Variants in PKIB observed in about 807,000 individuals in gnomAD.
PKIB encodes the protein cAMP-dependent protein kinase inhibitor beta.
Under a neutral mutation model 4.5 loss-of-function variants are expected in PKIB, and 2 were observed. The ratio of observed to expected loss-of-function variants is 0.44; its 90% CI spans 0.18 to 1.39. PKIB has a LOEUF of 1.39. PKIB is among the 40% of genes most tolerant of loss of function. The probability of loss-of-function intolerance (pLI) is 0.27; values close to 1 mark genes in which losing one functional copy is unlikely to be tolerated. For synonymous variants in PKIB, 38 were observed against 36.0 expected (o/e 1.06, Z -0.20); for missense variants, 94 against 92.6 (o/e 1.02, Z -0.06).
intron 1 of PKIB, among the ~76,000 whole-genome samples, chr6:122,477,249 C>T (rs1160318156): frequency 1.3e-5 from 2 of 152,150 alleles, no homozygotes; most frequent in African/African-American, 4.8e-5. Context: ...CAATGCAGGT[C>T]TGTAAGCTGA....
chr6:122,558,955 G>C lies in PKIB; in HGVS notation c.-247-26966G>C, dbSNP rs1772932504. 1.3e-5 allele frequency among the ~76,000 whole-genome samples: 2 copies of C among 152,080 alleles called. 1 individual carries two copies. Among genetic ancestry groups the C allele is most frequent in the Admixed American group, 1.3e-4 (2 of 15,240 alleles). ...TCCATTGTATCATTCTTACGCCTTT[G>C]CGCCCTCACAGCTTAGCTCCCACAT... is the stretch of plus-strand genomic sequence containing the variant. On this transcript the variant is annotated intron_variant, in intron 2 of 6. Coordinates refer to the PKIB transcript ENST00000392491.
chr6:122,552,300 G>A (rs1272382911), intron 2 of PKIB, among the ~76,000 whole-genome samples: 1 of 152,056 alleles, frequency 6.6e-6, no homozygotes. Context: ...TACAGTTCAC[G>A]CCAGGTAGCA....
At chr6:122,481,759 T>C (rs1043747149) in intron 2 of PKIB, 1 of 152,046 alleles carries the variant, frequency 6.6e-6, no homozygotes, top group Non-Finnish European at 1.5e-5. Flanking sequence ...GTGAAAGATA[T>C]ATAGTAAATT....
intron 2 of PKIB, among the ~76,000 whole-genome samples, chr6:122,546,938 C>T (rs1168753385): frequency 6.6e-6 from 1 of 151,990 alleles, no homozygotes; most frequent in Non-Finnish European, 1.5e-5. Context: ...GTAGCAAATG[C>T]TATAGCACAG....
intron 2 of PKIB, among the ~76,000 whole-genome samples, chr6:122,570,796 C>G (rs540915598): frequency 2.1e-4 from 32 of 152,106 alleles, no homozygotes; most frequent in South Asian, 6.2e-4. Flanking sequence ...AAAAGTCTAT[C>G]CAAATGAAAA....
At chr6:122,483,690 G>C (rs1218768703) in intron 2 of PKIB, 1 of 152,168 alleles carries the variant, frequency 6.6e-6, no homozygotes, top group Admixed American at 6.5e-5. Context: ...ATTGTGCGAA[G>C]GCAAATATAT....
chr6:122,717,649 G>T, intron 3 of PKIB, 138 bp from the exon 4 acceptor site: 8 of 815,000 alleles, frequency 9.8e-6, no homozygotes. Flanking sequence ...CGTAACAGTA[G>T]ACATTGATGA....
At chr6:122,605,449 C>T (rs551766705), upstream of PKIB, among the ~76,000 whole-genome samples, 27 of 152,276 alleles carry the variant, frequency 1.8e-4, no homozygotes, top group African/African-American at 4.8e-4. Context: ...GCACTGATTT[C>T]GACATTTCCT....
chr6:122,598,982 T>A (rs1449163821), intron 3 of PKIB, among the ~76,000 whole-genome samples: 1 of 152,138 alleles, frequency 6.6e-6, no homozygotes, highest in Non-Finnish European at 1.5e-5. Flanking sequence ...ATTAAAGAAC[T>A]CAAACAGTTC....
intron 2 of PKIB, among the ~76,000 whole-genome samples, chr6:122,498,559 G>A (rs770322615): frequency 1.1e-4 from 16 of 152,200 alleles, no homozygotes; most frequent in Non-Finnish European, 1.9e-4. Flanking sequence ...TCTCTGGGAT[G>A]CAGCAAAAGC....
chr6:122,640,717 C>T (rs1776089212), intron 2 of PKIB, among the ~76,000 whole-genome samples: 1 of 152,180 alleles, frequency 6.6e-6, no homozygotes, highest in African/African-American at 2.4e-5. Context: ...CAACATGAGA[C>T]ACATAAAGCA....
At chr6:122,576,618 C>T (rs994256308) in intron 2 of PKIB, among the ~76,000 whole-genome samples, 1 of 128,602 alleles carries the variant, frequency 7.8e-6, no homozygotes, top group African/African-American at 3.0e-5. Flanking sequence ...CAGTGAAGCC[C>T]AGATGGCGCC....
intron 4 of PKIB, among the ~76,000 whole-genome samples, chr6:122,719,022 TA>T (rs1003051225): frequency 6.6e-6 from 1 of 152,118 alleles, no homozygotes; most frequent in African/African-American, 2.4e-5. Flanking sequence ...AAGAAAGAAA[TA>T]AACATATATG....
chr6:122,553,348 C>T (rs971457842), intron 2 of PKIB, among the ~76,000 whole-genome samples: 3 of 151,982 alleles, frequency 2.0e-5, no homozygotes, highest in South Asian at 2.1e-4. Context: ...TTGCACCAAC[C>T]GAATACTCAG....
chr6:122,614,798 A>G (rs1774917095), intron 1 of PKIB, among the ~76,000 whole-genome samples: 1 of 152,144 alleles, frequency 6.6e-6, no homozygotes, highest in Non-Finnish European at 1.5e-5. Context: ...GTGTGTGTGT[A>G]TGTGTATGTG....
At chr6:122,472,856 T>A (rs571863753) in intron 1 of PKIB, among the ~76,000 whole-genome samples, 35 of 152,314 alleles carry the variant, frequency 2.3e-4, no homozygotes, top group Admixed American at 2.0e-4. Flanking sequence ...GAAATGCTTG[T>A]AATCCCAGAA....
intron 2 of PKIB, among the ~76,000 whole-genome samples, chr6:122,536,044 A>T (rs1221558677): frequency 6.6e-6 from 1 of 152,136 alleles, no homozygotes; most frequent in Non-Finnish European, 1.5e-5. Flanking sequence ...GATTCAATTG[A>T]TCCTCCTGCC....
In PKIB at chr6:122,651,474, G is replaced by T. The variant is rs574958506; in HGVS notation, c.-76+18107G>T. ...CCTACCTCAGGAGCAGCCATTACTG[G>T]TTCTTTAGGCAACGCAGAGTTAACC... On this transcript the variant is annotated intron_variant, in intron 2 of 4. Transcript: ENST00000368452. Among the ~76,000 whole-genome samples the T allele has an allele frequency of 2.0e-5, 3 of 152,248 alleles. No individual in the cohort carries two copies. In the South Asian group the frequency reaches 6.2e-4, roughly 32 times the overall value.
chr6:122,673,171 G>T lies in PKIB; in HGVS notation c.-75-1907G>T, dbSNP rs576410518. 6.1e-3 allele frequency among the ~76,000 whole-genome samples: 184 copies of T among 29,920 alleles called. 3 individuals are homozygous for T. The South Asian group carries it at 0.091, about 15-fold the overall frequency. 19.6% of individuals were successfully genotyped at this position (29,920 alleles called of 152,430 possible). ...AATAGACAAGGATAGGTGGATTTCT[G>T]TAAAAAAAATTAATCATGGAAAGGT... On this transcript the variant is annotated intron_variant, in intron 2 of 4. Transcript: ENST00000368452.
Sources: gnomAD v4.1 joint callset for allele counts (sites outside exome capture counted in the v4.1 genomes callset) on GRCh38, gnomAD v4.1.1 for gene constraint, MANE v1.5 for transcripts, NCBI Gene and HGNC (gene_info 2026-07-23, HGNC 2026-07-21) for gene names.